Variants in SERGEF observed in about 807,000 individuals in gnomAD.
The protein encoded by SERGEF is secretion-regulating guanine nucleotide exchange factor.
Under a neutral mutation model 50.0 loss-of-function variants are expected in SERGEF, and 51 were observed. The observed-to-expected ratio is 1.02, with a 90% CI of 0.81 to 1.29. SERGEF has a LOEUF of 1.29. Ranked by LOEUF, SERGEF falls within the 50% of genes most tolerant of loss-of-function variation. The pLI is 0.00. For synonymous variants in SERGEF, 205 were observed against 212.4 expected, an observed-to-expected ratio of 0.97 and a Z score of 0.30; for missense variants, 521 against 557.0, an observed-to-expected ratio of 0.94 and a Z score of 0.65.
intron 10 of SERGEF, among the ~76,000 whole-genome samples, chr11:17,847,991 G>A (rs540510448): frequency 3.4e-4 from 52 of 152,142 alleles, no homozygotes; most frequent in African/African-American, 1.0e-3. Flanking sequence ...TCCATTATAA[G>A]CACAATGCAT....
chr11:17,896,009 C>G (rs1851614152), intron 9 of SERGEF, among the ~76,000 whole-genome samples: 1 of 152,130 alleles, frequency 6.6e-6, no homozygotes. Flanking sequence ...ACCTACATTA[C>G]TTTCAATAAC....
At chr11:17,889,665 T>C (rs1261600294) in intron 9 of SERGEF, among the ~76,000 whole-genome samples, 13 of 152,262 alleles carry the variant, frequency 8.5e-5, no homozygotes, top group East Asian at 1.9e-4. Flanking sequence ...TGGAAAAATA[T>C]ACAGAAGCTC....
chr11:17,878,433 A>T (rs1170385679), intron 9 of SERGEF, among the ~76,000 whole-genome samples, 189 bp from the exon 10 acceptor site: 2 of 151,734 alleles, frequency 1.3e-5, no homozygotes, highest in Non-Finnish European at 2.9e-5. Flanking sequence ...AAAAGAAAAT[A>T]AAAAAAATAT....
chr11:17,808,128 AC>A (rs1474674082), intron 10 of SERGEF, among the ~76,000 whole-genome samples: 1 of 152,070 alleles, frequency 6.6e-6, no homozygotes, highest in African/African-American at 2.4e-5. Flanking sequence ...ACATCCCACT[AC>A]CAAGGGCCTG....
At chr11:17,949,261 T>C (rs1272095702) in intron 9 of SERGEF, among the ~76,000 whole-genome samples, 1 of 152,116 alleles carries the variant, frequency 6.6e-6, no homozygotes, top group East Asian at 1.9e-4. Context: ...GGCAGTCATC[T>C]TTGGGGAAGA....
chr11:17,912,561 A>G (rs941592486), intron 9 of SERGEF, among the ~76,000 whole-genome samples: 2 of 152,268 alleles, frequency 1.3e-5, no homozygotes, highest in Admixed American at 1.3e-4. Flanking sequence ...GAACGAACTG[A>G]ACATCATCTA....
At chr11:17,867,286 C>T (rs562792006) in intron 10 of SERGEF, among the ~76,000 whole-genome samples, 2 of 152,340 alleles carry the variant, frequency 1.3e-5, no homozygotes, top group African/African-American at 4.8e-5. Flanking sequence ...TAAATATAGC[C>T]ATTCAAAATG....
chr11:17,997,836 T>C (rs1315333222), intron 5 of SERGEF, among the ~76,000 whole-genome samples: 1 of 152,056 alleles, frequency 6.6e-6, no homozygotes, highest in African/African-American at 2.4e-5. Flanking sequence ...GTCAAAAGTA[T>C]AGATACAGAA....
At chr11:17,926,826 T>TA (rs1852261009) in intron 9 of SERGEF, 2 of 456,068 alleles carry the variant, frequency 4.4e-6, no homozygotes, top group African/African-American at 4.0e-5. Flanking sequence ...TCTCCACATC[T>TA]CCCACTGTGC....
At chr11:17,976,582 G>T (rs1050698949) in intron 8 of SERGEF, among the ~76,000 whole-genome samples, 3 of 151,372 alleles carry the variant, frequency 2.0e-5, no homozygotes, top group East Asian at 3.9e-4. Flanking sequence ...TTACATGAGT[G>T]AGCCACCGTG....
At chr11:17,852,345 T>C (rs536779214) in intron 10 of SERGEF, among the ~76,000 whole-genome samples, 1 of 152,222 alleles carries the variant, frequency 6.6e-6, no homozygotes, top group African/African-American at 2.4e-5. Flanking sequence ...TTAAGCTTAA[T>C]GAGTAATGAA....
chr11:17,878,259 A>AG lies in SERGEF; in HGVS notation c.1012-16_1012-15insC. ...CCACAAGAGACCTGTAAAAAAAAAA[A>AG]AAGACAAAGAAAATGGATAGATATT... On this transcript the variant is annotated splice_polypyrimidine_tract_variant and intron_variant, in intron 9 of 10. Coordinates refer to ENST00000265965, the MANE Select transcript of SERGEF (RefSeq NM_012139.4). The AG allele has an allele frequency of 6.4e-7, 1 of 1,554,784 alleles. No individual in the cohort carries two copies. The highest frequency in any genetic ancestry group is 8.8e-7 in the Non-Finnish European group (1 of 1,135,048).
chr11:17,982,394 A>C (rs910622543), intron 8 of SERGEF, among the ~76,000 whole-genome samples: 10 of 152,230 alleles, frequency 6.6e-5, no homozygotes, highest in African/African-American at 2.4e-4. Context: ...ATTCTAGGAT[A>C]AAAACTCATG....
intron 9 of SERGEF, among the ~76,000 whole-genome samples, chr11:17,897,179 C>A (rs1329058460): frequency 1.3e-5 from 2 of 152,160 alleles, no homozygotes; most frequent in Admixed American, 1.3e-4. Flanking sequence ...AACTGGAGAG[C>A]AGCATCTATT....
rs138026454 is a variant in SERGEF, at chr11:17,850,695, T to C, written c.1048+27513A>G. ...AAATCCATTAACCAAAATACTGCAT[T>C]CTTGGAGTACTCTGGTAATCATGGC... is the stretch of plus-strand genomic sequence containing the variant. On this transcript the variant is annotated intron_variant, in intron 10 of 10. Transcript: ENST00000265965. 3.3e-3 allele frequency among the ~76,000 whole-genome samples: 496 copies of C among 152,270 alleles called. 3 individuals are homozygous for C. Among genetic ancestry groups the C allele is most frequent in the African/African-American group, 0.011 (475 of 41,562 alleles).
At chr11:17,942,605 T>G (rs534647669) in intron 9 of SERGEF, among the ~76,000 whole-genome samples, 24 of 152,296 alleles carry the variant, frequency 1.6e-4, no homozygotes, top group Admixed American at 6.5e-4. Context: ...TATTGCTTTT[T>G]CTTGCTTTAT....
chr11:17,856,877 T>C (rs1850830976), intron 10 of SERGEF: 1 of 152,240 alleles, frequency 6.6e-6, no homozygotes, highest in African/African-American at 2.4e-5. Context: ...GAAGTCATTA[T>C]CTTTTTTTGT....
At chr11:17,936,316 T>C (rs4757607) in intron 9 of SERGEF, among the ~76,000 whole-genome samples, 73,640 of 152,000 alleles carry the variant, frequency 0.48, 18,916 homozygotes, top group Middle Eastern at 0.65. Flanking sequence ...CTGAGTTTCC[T>C]TATCTATAAA....
At chr11:17,892,410 G>A (rs1260640413) in intron 9 of SERGEF, among the ~76,000 whole-genome samples, 1 of 152,150 alleles carries the variant, frequency 6.6e-6, no homozygotes, top group Non-Finnish European at 1.5e-5. Context: ...AGGCTACCCT[G>A]TTCAATGATG....
Sources: gnomAD v4.1 joint callset for allele counts (sites outside exome capture counted in the v4.1 genomes callset) on GRCh38, gnomAD v4.1.1 for gene constraint, MANE v1.5 for transcripts, NCBI Gene and HGNC (gene_info 2026-07-23, HGNC 2026-07-21) for gene names.